Variants in FAM13B observed in about 807,000 individuals in gnomAD.
The protein encoded by FAM13B is family with sequence similarity 13 member B, also known as protein FAM13B.
Under a neutral mutation model 117.3 loss-of-function variants are expected in FAM13B, and 60 were observed. That is an observed-to-expected ratio of 0.51 (90% CI 0.42 to 0.63). FAM13B has a LOEUF of 0.63. Ranked by LOEUF, FAM13B falls within the 30% of genes least tolerant of loss-of-function variation. The pLI is 0.00. For missense variants in FAM13B, 972 were observed against 1,091.9 expected, an observed-to-expected ratio of 0.89 and a Z score of 1.55; for synonymous variants, 332 against 356.1, an observed-to-expected ratio of 0.93 and a Z score of 0.76.
intron 7 of FAM13B, among the ~76,000 whole-genome samples, chr5:138,000,949 A>C (rs1020179958): frequency 4.6e-5 from 7 of 152,026 alleles, no homozygotes; most frequent in Non-Finnish European, 7.4e-5. Context: ...AAAACAAAAA[A>C]AAAAAAAACA....
intron 7 of FAM13B, among the ~76,000 whole-genome samples, chr5:137,993,001 T>TACA (rs58004456): frequency 0.74 from 112,007 of 151,828 alleles, 41,967 homozygotes; most frequent in East Asian, 0.97. Flanking sequence ...GAGGATACTT[T>TACA]ACAACGATAT....
chr5:138,010,832 T>C (rs1189037969), intron 6 of FAM13B, among the ~76,000 whole-genome samples, 176 bp downstream of exon 6: 1 of 151,968 alleles, frequency 6.6e-6, no homozygotes, highest in Non-Finnish European at 1.5e-5. Context: ...GGACAGGATG[T>C]TGTTCAGGAA....
Position 137,989,496 on chromosome 5 carries a change from C to T in FAM13B, c.849-1181G>A, listed in dbSNP as rs536853764. 8.7e-4 allele frequency among the ~76,000 whole-genome samples: 132 copies of T among 152,208 alleles called. 5 individuals are homozygous for T. In the South Asian group the frequency reaches 0.02, roughly 23 times the overall value. On this transcript the variant is annotated intron_variant, in intron 7 of 23. Transcript: ENST00000689681. ...TGGTTCTAAAGGCCTTCATGCTGAT[C>T]GTCTCCAGGGAAGTGTTTACCAATA...
chr5:137,966,488 TAGAGAGAGAG>T (rs57142324), intron 10 of FAM13B, among the ~76,000 whole-genome samples: 24 of 29,484 alleles, frequency 8.1e-4, no homozygotes, highest in East Asian at 2.3e-3. Context: ...TATATATATA[TAGAGAGAGAG>T]AGAGAGAGAG....
intron 7 of FAM13B, among the ~76,000 whole-genome samples, chr5:137,994,571 A>G (rs1779406533): frequency 6.6e-6 from 1 of 152,248 alleles, no homozygotes; most frequent in African/African-American, 2.4e-5. Context: ...GACACAAGAA[A>G]AATAACTGCT....
intron 11 of FAM13B, 28 bp from the exon 12 acceptor site, chr5:137,960,242 T>C (rs772216481): frequency 1.5e-6 from 2 of 1,322,226 alleles, no homozygotes; most frequent in South Asian, 2.6e-5. Context: ...GTTGTTAGTA[T>C]ATTAAGAATA....
At chr5:137,981,658 T>C (rs1051927055) in intron 10 of FAM13B, among the ~76,000 whole-genome samples, 1 of 151,624 alleles carries the variant, frequency 6.6e-6, no homozygotes. Flanking sequence ...TGGTGGCACA[T>C]GCCTGTAATC....
chr5:137,946,877 G>C (rs1372253033), intron 18 of FAM13B, among the ~76,000 whole-genome samples: 1 of 152,200 alleles, frequency 6.6e-6, no homozygotes, highest in African/African-American at 2.4e-5. Context: ...ATAGTGGAAA[G>C]ATCCTGGAAA....
intron 7 of FAM13B, among the ~76,000 whole-genome samples, chr5:137,993,664 G>C (rs1425060920): frequency 6.6e-6 from 1 of 151,750 alleles, no homozygotes; most frequent in Non-Finnish European, 1.5e-5. Context: ...GTGTGCGCCT[G>C]TAGTTCCAGT....
At chr5:137,962,550 T>C in intron 10 of FAM13B, 81 bp from the exon 11 acceptor site, 2 of 1,269,886 alleles carry the variant, frequency 1.6e-6, no homozygotes, top group South Asian at 1.3e-5. Flanking sequence ...ATTAGGATAT[T>C]AGAATACAGA....
intron 1 of FAM13B, among the ~76,000 whole-genome samples, chr5:138,050,340 G>A (rs2151133930): frequency 6.6e-6 from 1 of 152,312 alleles, no homozygotes; most frequent in Non-Finnish European, 1.5e-5. Flanking sequence ...GGGAGGCTGA[G>A]GCAAGAGAAT....
At chr5:137,981,317 T>A (rs961438498) in intron 10 of FAM13B, among the ~76,000 whole-genome samples, 3 of 151,926 alleles carry the variant, frequency 2.0e-5, no homozygotes, top group African/African-American at 7.3e-5. Flanking sequence ...GCATGGTGCC[T>A]GATGCTTGTA....
chr5:137,957,731 T>C (rs1767006159), intron 13 of FAM13B, among the ~76,000 whole-genome samples: 1 of 152,128 alleles, frequency 6.6e-6, no homozygotes, highest in Non-Finnish European at 1.5e-5. Flanking sequence ...GACCCCTATT[T>C]CTGGAAGAAC....
intron 10 of FAM13B, among the ~76,000 whole-genome samples, chr5:137,966,488 T>TATATATAGAGAGAGAGAGAGAG (rs1461425784): frequency 1.4e-4 from 4 of 29,482 alleles, no homozygotes; most frequent in Admixed American, 5.3e-4. Context: ...TATATATATA[T>TATATATAGAGAGAGAGAGAGAG]AGAGAGAGAG....
chr5:137,949,296 A>G, intron 17 of FAM13B, 112 bp from the exon 18 acceptor site: 2 of 781,134 alleles, frequency 2.6e-6, no homozygotes, highest in Non-Finnish European at 4.2e-6. Flanking sequence ...ACACAGACTT[A>G]GATATTTCAA....
At chr5:138,050,269 C>T (rs532082815) in intron 1 of FAM13B, among the ~76,000 whole-genome samples, 1 of 152,080 alleles carries the variant, frequency 6.6e-6, no homozygotes, top group African/African-American at 2.4e-5. Context: ...GAAACCCTGT[C>T]CCTACTAAAA....
intron 17 of FAM13B, among the ~76,000 whole-genome samples, chr5:137,950,157 A>G (rs2150186979): frequency 6.6e-6 from 1 of 152,360 alleles, no homozygotes; most frequent in African/African-American, 2.4e-5. Flanking sequence ...GATTAGTAAA[A>G]TAACTTTAAA....
chr5:138,041,730 A>G (rs1791504839), intron 1 of FAM13B, among the ~76,000 whole-genome samples: 2 of 151,808 alleles, frequency 1.3e-5, no homozygotes, highest in East Asian at 3.9e-4. Context: ...TAAGGCCAGG[A>G]GTTTGAAACC....
chr5:138,019,682 AT>A (rs5871660), intron 2 of FAM13B, among the ~76,000 whole-genome samples: 119,985 of 142,336 alleles, frequency 0.84, 50,852 homozygotes, highest in East Asian at 0.98. Flanking sequence ...GCTGTAATAA[AT>A]TTTTTTTTTT....
Sources: gnomAD v4.1 joint callset for allele counts (sites outside exome capture counted in the v4.1 genomes callset) on GRCh38, gnomAD v4.1.1 for gene constraint, MANE v1.5 for transcripts, NCBI Gene and HGNC (gene_info 2026-07-23, HGNC 2026-07-21) for gene names.